Variants in DNAH10 observed in about 807,000 individuals in gnomAD.
DNAH10 encodes axonemal beta dynein heavy chain 10.
A neutral mutation model predicts 506.6 loss-of-function variants in DNAH10; 348 were observed. That is an observed-to-expected ratio of 0.69 (90% confidence interval 0.63 to 0.75). The LOEUF is 0.75. Among genes scored for constraint, DNAH10 ranks in the 30% least tolerant of loss-of-function variants. The pLI is 0.00. For missense variants in DNAH10, 5,179 were observed against 5,787.1 expected, an observed-to-expected ratio of 0.89 and a Z score of 3.41; for synonymous variants, 2,059 against 2,198.6, an observed-to-expected ratio of 0.94 and a Z score of 1.78.
At chr12:123,812,268 G>A (rs879634941) in intron 19 of DNAH10, among the ~76,000 whole-genome samples, 4 of 151,998 alleles carry the variant, frequency 2.6e-5, no homozygotes, top group Admixed American at 6.6e-5. Flanking sequence ...TGGCTAACAC[G>A]GTGAAACCCC....
Position 123,917,765 on chromosome 12 carries a change from T to G in DNAH10, c.11184T>G (p.Asn3728Lys). The G allele has an allele frequency of 6.3e-7, 1 of 1,576,730 alleles. No individual in the cohort carries two copies. Among genetic ancestry groups the G allele is most frequent in the Non-Finnish European group, 8.6e-7 (1 of 1,161,640 alleles). ...LATSTGNMLD[N>K]VDLVHTLEET... ...CGTCCACGGGGAACATGCTGGACAA[T>G]GTGGACCTGGTGCACACCCTGGAGG... The change falls in exon 64 of 79, where the codon AAT becomes AAG. Residue 3728 changes from asparagine (N) to lysine (K), a missense_variant. Transcript: ENST00000673944. This position sits in a 1 kb window ranked among gnomAD's most constrained non-coding sequence, Gnocchi z 5.6.
intron 39 of DNAH10, 22 bp downstream of exon 39, chr12:123,861,192 A>T (rs369863248): frequency 1.1e-5 from 17 of 1,612,228 alleles, no homozygotes; most frequent in Admixed American, 1.7e-5. Context: ...TGTAGGTAGG[A>T]AAGAGCCTGG....
At chr12:123,774,290 C>T in intron 5 of DNAH10, 26 bp downstream of exon 5, 1 of 1,513,362 alleles carries the variant, frequency 6.6e-7, no homozygotes, top group Non-Finnish European at 9.0e-7. Context: ...GGAAGAAATT[C>T]TAGTATTTCT....
chr12:123,898,525 A>C, intron 55 of DNAH10, 128 bp from the exon 56 acceptor site: 1 of 1,231,058 alleles, frequency 8.1e-7, no homozygotes, highest in Non-Finnish European at 1.1e-6. Flanking sequence ...GGAGGTACTG[A>C]AAGACATGTG....
At chr12:123,899,266 T>G (rs11057390) in intron 56 of DNAH10, among the ~76,000 whole-genome samples, 52,586 of 151,934 alleles carry the variant, frequency 0.35, 9,834 homozygotes, top group African/African-American at 0.49. Flanking sequence ...ACCTGCACTG[T>G]CCTGCTCTTG....
chr12:123,933,009 C>T (rs1374001469), intron 76 of DNAH10, among the ~76,000 whole-genome samples: 1 of 152,194 alleles, frequency 6.6e-6, no homozygotes, highest in Non-Finnish European at 1.5e-5. Context: ...AAAAGCTTTA[C>T]ATTTTTCCGT....
At chr12:123,892,437 C>T (rs139610510) in intron 52 of DNAH10, among the ~76,000 whole-genome samples, 29 of 152,256 alleles carry the variant, frequency 1.9e-4, no homozygotes, top group African/African-American at 4.8e-4. Context: ...GAGATCTGCC[C>T]CCATCATCCA....
chr12:123,856,348 CT>C (rs145562821), intron 36 of DNAH10, among the ~76,000 whole-genome samples: 4,117 of 149,566 alleles, frequency 0.028, 117 homozygotes, highest in African/African-American at 0.072. Flanking sequence ...ATCTATCTAT[CT>C]TTTTTTCGAG....
chr12:123,875,127 G>A (rs769065935), intron 46 of DNAH10, 104 bp from the exon 47 acceptor site: 5 of 1,332,368 alleles, frequency 3.8e-6, no homozygotes, highest in East Asian at 2.5e-5. Flanking sequence ...GTGCCCTGGA[G>A]AGTAACGGGA....
chr12:123,775,038 A>G (rs117368059), intron 5 of DNAH10, among the ~76,000 whole-genome samples: 7,438 of 152,352 alleles, frequency 0.049, 244 homozygotes, highest in Non-Finnish European at 0.071. Flanking sequence ...TGAGACAGAA[A>G]TAGGCATGTG....
intron 26 of DNAH10, among the ~76,000 whole-genome samples, chr12:123,831,895 ACT>A (rs983302145): frequency 1.8e-4 from 26 of 148,410 alleles, no homozygotes; most frequent in African/African-American, 6.5e-4. Context: ...ACAGAGCAAG[ACT>A]CTGTCTCAAA....
Position 123,902,900 on chromosome 12 carries a change from T to C in DNAH10, c.9641-39T>C. 3.9e-6 allele frequency: 6 copies of C among 1,548,236 alleles called. No individual in the cohort carries two copies. Among genetic ancestry groups the C allele is most frequent in the Non-Finnish European group, 5.2e-6 (6 of 1,146,120 alleles). On this transcript the variant is annotated intron_variant, in intron 56 of 78. Transcript: ENST00000673944. The surrounding 1 kb of genome is among the most constrained non-coding windows in gnomAD (Gnocchi z 4.5). ...GCCGGGGCCGCGAGTGCATCTCCTCTGAGCCCAAGCTTTACTCACCCCCTG... is the reference window on the plus strand; with the variant it reads ...GCCGGGGCCGCGAGTGCATCTCCTCCGAGCCCAAGCTTTACTCACCCCCTG...
At chr12:123,865,804 A>G in intron 40 of DNAH10, 147 bp from the exon 41 acceptor site, 1 of 676,396 alleles carries the variant, frequency 1.5e-6, no homozygotes, top group Non-Finnish European at 2.2e-6. Flanking sequence ...CCAGGTGTTC[A>G]GTTAAAAAGC....
Position 123,830,606 on chromosome 12 carries a change from C to T in DNAH10, c.4452C>T (p.Thr1484=), listed in dbSNP as rs375524218. The T allele has an allele frequency of 5.6e-6, 9 of 1,613,626 alleles. No individual in the cohort carries two copies. The highest frequency in any genetic ancestry group is 1.7e-5 in the Admixed American group (1 of 59,964). Residue 1484 remains threonine (T), a synonymous_variant, in exon 26 of 79, where the codon ACC becomes ACT. Transcript: ENST00000673944. ...TTTTTGAAATGACCGAAACGTTCAC[C>T]TTGGAAAATATGTTTGCTATGGAAC... ...SVFFEMTETF[T]LENMFAMELH... is the part of the protein sequence containing the mutation.
chr12:123,843,484 A>G (rs1396923934), intron 30 of DNAH10, among the ~76,000 whole-genome samples: 1 of 152,202 alleles, frequency 6.6e-6, no homozygotes, highest in Non-Finnish European at 1.5e-5. Flanking sequence ...GGAATCATGG[A>G]TATAAGTGAT....
chr12:123,772,694 C>T, intron 3 of DNAH10, 140 bp from the exon 4 acceptor site: 2 of 625,272 alleles, frequency 3.2e-6, no homozygotes, highest in Non-Finnish European at 5.4e-6. Flanking sequence ...CTGGTACCCA[C>T]TGTGTGGCTG....
intron 32 of DNAH10, among the ~76,000 whole-genome samples, chr12:123,847,218 T>TTATCTATCTATCTATCTATC (rs61214034): frequency 5.6e-5 from 8 of 142,724 alleles, no homozygotes; most frequent in East Asian, 2.1e-4. Context: ...ATCCATCCTA[T>TTATCTATCTATCTATCTATC]TATCTATCTA....
intron 5 of DNAH10, among the ~76,000 whole-genome samples, chr12:123,775,290 G>T (rs1402888422): frequency 6.6e-6 from 1 of 151,944 alleles, no homozygotes; most frequent in Admixed American, 6.6e-5. Flanking sequence ...TGTACTTATT[G>T]TAGAGACAGG....
intron 54 of DNAH10, 36 bp downstream of exon 54, chr12:123,894,759 TAAAAC>T (rs902141801): frequency 5.1e-6 from 8 of 1,560,726 alleles, no homozygotes; most frequent in Admixed American, 3.4e-5. Flanking sequence ...GCATTATTGA[TAAAAC>T]AAAGCAATTT....
Sources: gnomAD v4.1 joint callset for allele counts (sites outside exome capture counted in the v4.1 genomes callset) on GRCh38, gnomAD v4.1.1 for gene constraint, Gnocchi (gnomAD v3.1) non-coding constraint, MANE v1.5 for transcripts, NCBI Gene and HGNC (gene_info 2026-07-23, HGNC 2026-07-21) for gene names.